Variants in RPAP1 observed in about 807,000 individuals in gnomAD.
RPAP1 encodes the protein RNA polymerase II associated protein 1.
A neutral mutation model predicts 142.4 loss-of-function variants in RPAP1; 109 were observed. The observed-to-expected ratio is 0.77, with a 90% confidence interval of 0.66 to 0.90. RPAP1 has a LOEUF of 0.90. Among genes scored for constraint, RPAP1 ranks in the 40% least tolerant of loss-of-function variants. RPAP1 has a pLI of 0.00. For synonymous variants in RPAP1, 704 were observed against 738.9 expected, an observed-to-expected ratio of 0.95 and a Z score of 0.77; for missense variants, 1,546 against 1,751.7, an observed-to-expected ratio of 0.88 and a Z score of 2.10.
At position 41,524,112 on chromosome 15, in the gene RPAP1, G is replaced by A. The variant is rs747293595; in HGVS notation, c.2218C>T (p.Pro740Ser). The A allele has an allele frequency of 1.9e-6, 3 of 1,590,058 alleles. No homozygotes were observed. Among genetic ancestry groups the A allele is most frequent in the Non-Finnish European group, 2.6e-6 (3 of 1,166,374 alleles). Residue 740 changes from proline (P) to serine (S), a missense_variant, in exon 16 of 25, where the codon CCT (proline) becomes TCT (serine). Around this residue, in one of 3 missense-constraint regions of RPAP1, gnomAD observed 1,333 missense variants for 1,486.6 expected, o/e 0.90. Transcript: ENST00000304330. ...ATAAACTACCTGATGGTTTCAGCAGGGGTACTGCCGGCTGCCAGGGTTAGC... is the reference window on the plus strand; with the variant it reads ...ATAAACTACCTGATGGTTTCAGCAGAGGTACTGCCGGCTGCCAGGGTTAGC... Reference protein sequence around the residue: ...TQLTLAAGSTPAETISDSAEA... With the variant: ...TQLTLAAGSTSAETISDSAEA...
At chr15:41,529,746 A>ATTT in intron 8 of RPAP1, 118 bp downstream of exon 8, 1 of 861,998 alleles carries the variant, frequency 1.2e-6, no homozygotes, top group Non-Finnish European at 1.8e-6. Flanking sequence ...GTGAGAGCAA[A>ATTT]GGAGAGATGC....
chr15:41,531,548 G>T (rs1595485921), intron 6 of RPAP1, among the ~76,000 whole-genome samples: 1 of 146,182 alleles, frequency 6.8e-6, no homozygotes, highest in East Asian at 2.1e-4. Context: ...CAAAAAGAAG[G>T]CATTTACAGA....
rs140646992 is a variant in RPAP1, at chr15:41,536,474, A to G, written c.330+27T>C. 2.0e-4 allele frequency: 321 copies of G among 1,612,874 alleles called. 4 individuals carry two copies. In the East Asian group the frequency reaches 5.4e-3, roughly 27 times the overall value. ...TATCCCTGTTGCCCTAGAACATCTT[A>G]TCCTACTCAGCCAGAGTGAGACGCA... On this transcript the variant is annotated intron_variant, in intron 3 of 24. Coordinates refer to ENST00000304330, the MANE Select transcript of RPAP1 (RefSeq NM_015540.4).
intron 1 of RPAP1, among the ~76,000 whole-genome samples, chr15:41,543,755 T>C (rs1356754148): frequency 6.6e-6 from 1 of 152,142 alleles, no homozygotes; most frequent in Admixed American, 6.5e-5. Context: ...GATAACATTT[T>C]CAGTTATTAA....
Position 41,524,847 on chromosome 15 carries a change from C to G in RPAP1, c.2075+144G>C. 3.7e-6 allele frequency: 3 copies of G among 806,826 alleles called. No homozygotes were observed. In the South Asian group the frequency reaches 5.4e-5, roughly 15 times the overall value. 50.0% of individuals were successfully genotyped at this position (806,826 alleles called of 1,614,324 possible). ...CCCTGGCTGGGCCTGACTCCTAAGC[C>G]TTTTCACATCTGGCAGAAGCCCTCC... On this transcript the variant is annotated intron_variant, in intron 15 of 24. Transcript: ENST00000304330.
At position 41,520,568 on chromosome 15, in the gene RPAP1, A is replaced by G. The variant is rs2051714241; in HGVS notation, c.3618T>C (p.Ser1206=). 1.9e-6 allele frequency: 3 copies of G among 1,614,122 alleles called. No individual in the cohort carries two copies. The highest frequency in any genetic ancestry group is 1.7e-5 in the Admixed American group (1 of 60,014). The change falls in exon 22 of 25, where the codon TCT becomes TCC. Residue 1206 remains serine, a synonymous_variant. Coordinates refer to ENST00000304330, the MANE Select transcript of RPAP1 (RefSeq NM_015540.4). ...GGAAGTTGGCATAGAGGTCAGGGAAAGACGTCAGGCCAGGGAGTCGGCAGT... is the reference window on the plus strand; with the variant it reads ...GGAAGTTGGCATAGAGGTCAGGGAAGGACGTCAGGCCAGGGAGTCGGCAGT... The part of the protein sequence containing the change: ...NLDCRLPGLT[S]FPDLYANFLD...
At chr15:41,530,060 G>T in intron 7 of RPAP1, 81 bp from the exon 8 acceptor site, 1 of 989,824 alleles carries the variant, frequency 1.0e-6, no homozygotes. Context: ...CCCAGCAGCT[G>T]CCACATCCAC....
chr15:41,536,744 G>A (rs2051913733), intron 2 of RPAP1, 95 bp from the exon 3 acceptor site: 1 of 1,493,696 alleles, frequency 6.7e-7, no homozygotes. Context: ...TGGGGCCCTG[G>A]CTCAAGCTGT....
In RPAP1 at chr15:41,524,081, C is replaced by A; in HGVS notation, c.2234+15G>T. On this transcript the variant is annotated intron_variant, in intron 16 of 24. Coordinates refer to ENST00000304330, the MANE Select transcript of RPAP1 (RefSeq NM_015540.4). ...GAGCCCTCCACCTGTCCTGTGGGTC[C>A]TGGCTATAAACTACCTGATGGTTTC... The A allele has an allele frequency of 6.3e-7, 1 of 1,591,144 alleles. No individual in the cohort carries two copies. The highest frequency in any genetic ancestry group is 8.6e-7 in the Non-Finnish European group (1 of 1,165,520).
At chr15:41,531,627 ATTTTTTTTT>A (rs150550154) in intron 6 of RPAP1, among the ~76,000 whole-genome samples, 1 of 22,028 alleles carries the variant, frequency 4.5e-5, no homozygotes, top group Non-Finnish European at 7.9e-5. Flanking sequence ...ATATATATAT[ATTTTTTTTT>A]TTTTTTTTTT....
Position 41,537,092 on chromosome 15 carries a change from C to T in RPAP1, c.34G>A (p.Val12Met). 2 of 1,614,172 alleles carry T rather than the reference C, an allele frequency of 1.2e-6. No individual in the cohort carries two copies. Among genetic ancestry groups the T allele is most frequent in the East Asian group, 2.2e-5 (1 of 44,882 alleles). Residue 12 changes from valine (V) to methionine (M), a missense_variant, in exon 2 of 25, where the codon GTG becomes ATG. This residue lies in a region of RPAP1 where 1,333 missense variants were observed against 1,486.6 expected (regional missense o/e 0.90). Transcript: ENST00000304330. ...LSRPKPGESE[V>M]DLLHFQSQFL... ...TGACTCTGGAAGTGCAGCAGGTCCA[C>T]CTCGGACTCCCCTGGCTTCGGTCTC...
At chr15:41,533,590 T>C (rs1185324018) in intron 6 of RPAP1, among the ~76,000 whole-genome samples, 1 of 151,984 alleles carries the variant, frequency 6.6e-6, no homozygotes, top group Non-Finnish European at 1.5e-5. Flanking sequence ...TCCCAGCACT[T>C]TGGGAGGCAC....
At chr15:41,534,583 CAAAAAAAAA>C (rs764568682) in intron 6 of RPAP1, 122 bp downstream of exon 6, 8 of 179,560 alleles carry the variant, frequency 4.5e-5, no homozygotes, top group African/African-American at 3.3e-4. Flanking sequence ...AAGACCATCT[CAAAAAAAAA>C]AAAAAAAAAA....
chr15:41,517,619 G>A lies in RPAP1; in HGVS notation c.4105C>T (p.Gln1369Ter), dbSNP rs1484300756. The change falls in exon 25 of 25, where the codon CAG becomes TAG. Residue 1369 changes from glutamine to a stop codon, truncating the protein, a stop_gained. Coordinates refer to ENST00000304330, the MANE Select transcript of RPAP1 (RefSeq NM_015540.4). LOFTEE classifies it high-confidence loss of function. ...TAGTGCTGACGCAGAGGGGGCAACTGAGAATAGAGCTCAAAGCCCTCTGGG... is the reference window on the plus strand; with the variant it reads ...TAGTGCTGACGCAGAGGGGGCAACTAAGAATAGAGCTCAAAGCCCTCTGGG... ...TLPEGFELYSQLPPLRQHYLQ... is the reference protein window; with the variant it reads ...TLPEGFELYS 1.2e-6 allele frequency: 2 copies of A among 1,611,960 alleles called. No individual in the cohort carries two copies. The highest frequency in any genetic ancestry group is 1.7e-6 in the Non-Finnish European group (2 of 1,178,810).
intron 4 of RPAP1, 88 bp from the exon 5 acceptor site, chr15:41,535,720 G>C (rs2051900045): frequency 1.2e-5 from 19 of 1,520,078 alleles, no homozygotes; most frequent in Admixed American, 2.2e-5. Flanking sequence ...CTGGAACAAA[G>C]AGATAAAAGG....
Position 41,525,039 on chromosome 15 carries a change from C to A in RPAP1, c.2027G>T (p.Arg676Leu), listed in dbSNP as rs200640170. 6.2e-7 allele frequency: 1 copy of A among 1,614,062 alleles called. No individual in the cohort carries two copies. Among genetic ancestry groups the A allele is most frequent in the Non-Finnish European group, 8.5e-7 (1 of 1,179,984 alleles). Residue 676 changes from arginine (R) to leucine (L), a missense_variant, in exon 15 of 25, where the codon CGT becomes CTT. Physicochemically the swap from Arg to Leu is moderately radical, Grantham distance 102. Around this residue, in one of 3 missense-constraint regions of RPAP1, gnomAD observed 1,333 missense variants for 1,486.6 expected, o/e 0.90. Transcript: ENST00000304330. ...EAEMLSTEALRLWAVAASYGQ... is the reference protein window; with the variant it reads ...EAEMLSTEALLLWAVAASYGQ... The stretch of plus-strand genomic sequence containing the variant: ...ATAGGAGGCAGCCACAGCCCACAGA[C>A]GGAGGGCCTCGGTGCTCAGCATCTC...
chr15:41,523,597 G>A (rs1055770919), intron 17 of RPAP1, among the ~76,000 whole-genome samples, 174 bp downstream of exon 17: 1 of 152,196 alleles, frequency 6.6e-6, no homozygotes, highest in Admixed American at 6.6e-5. Context: ...ATGGCTCCTG[G>A]GAAGCTCCAC....
intron 1 of RPAP1, among the ~76,000 whole-genome samples, chr15:41,538,999 G>T (rs538388814): frequency 7.2e-5 from 11 of 152,338 alleles, no homozygotes; most frequent in Admixed American, 7.2e-4. Context: ...AGTTGCCAGG[G>T]GCTAGGAGAG....
chr15:41,527,967 C>A lies in RPAP1; in HGVS notation c.1321G>T (p.Ala441Ser). The change falls in exon 11 of 25, where the codon GCT becomes TCT. Residue 441 changes from alanine to serine, a missense_variant. Ala to Ser is a moderately conservative substitution (Grantham distance 99, BLOSUM62 1). This residue lies in a region of RPAP1 where 1,333 missense variants were observed against 1,486.6 expected (regional missense o/e 0.90). Transcript: ENST00000304330. ...AAGCGCAGTAGGAAGAGGAAACCAG[C>A]ATCCAAAAGGAGGCTTAAGACACTG... ...AGSVLSLLLDAGFLFLLRFSL... is the reference protein window; with the variant it reads ...AGSVLSLLLDSGFLFLLRFSL... The A allele has an allele frequency of 6.2e-7, 1 of 1,614,128 alleles. No homozygotes were observed. The highest frequency in any genetic ancestry group is 2.2e-5 in the East Asian group (1 of 44,874).
Sources: allele counts gnomAD v4.1 joint callset (sites outside exome capture counted in the v4.1 genomes callset), GRCh38; gene constraint gnomAD v4.1.1; regional missense constraint gnomAD v4.1.1; transcripts MANE v1.5; gene names NCBI Gene and HGNC (gene_info 2026-07-23, HGNC 2026-07-21).